The following CLEC5A variants were observed in gnomAD, a reference collection of about 807,000 sequenced individuals.
CLEC5A encodes the protein C-type lectin domain containing 5A, also known as C-type lectin domain family 5 member A.
Under a neutral mutation model 24.4 loss-of-function variants are expected in CLEC5A, and 15 were observed. That is an observed-to-expected ratio of 0.62 (90% CI 0.41 to 0.95). The LOEUF is 0.95. CLEC5A is among the 40% of genes least tolerant of loss of function. The pLI, the probability that CLEC5A is intolerant of heterozygous loss-of-function variation, is 0.00. For missense variants in CLEC5A, 211 were observed against 224.0 expected (o/e 0.94, Z 0.37); for synonymous variants, 71 against 72.6 (o/e 0.98, Z 0.11).
chr7:141,931,579 T>C (rs1802462354), intron 6 of CLEC5A, 141 bp downstream of exon 6: 2 of 579,222 alleles, frequency 3.5e-6, no homozygotes, highest in African/African-American at 1.9e-5. Context: ...TCTCAGGGAA[T>C]AGATGGGTTG....
intron 4 of CLEC5A, among the ~76,000 whole-genome samples, chr7:141,940,320 A>G (rs771461695): frequency 1.3e-5 from 2 of 152,098 alleles, no homozygotes; most frequent in Non-Finnish European, 2.9e-5. Context: ...ATTAAACAAT[A>G]TGCTCCTGGA....
rs1802368882 is a variant in CLEC5A at position 141,928,792 on chromosome 7, CA to C, written c.*1311del. 1 of 152,160 alleles carries C rather than the reference CA, an allele frequency of 6.6e-6. No individual in the cohort carries two copies. Among genetic ancestry groups the C allele is most frequent in the Non-Finnish European group, 1.5e-5 (1 of 68,026 alleles). 9.4% of individuals were successfully genotyped at this position (152,160 alleles called of 1,614,324 possible). On this transcript the variant is annotated 3_prime_UTR_variant, in exon 7 of 7. Coordinates refer to ENST00000546910, the MANE Select transcript of CLEC5A (RefSeq NM_013252.3). The stretch of plus-strand genomic sequence containing the variant: ...TACTGTGCTACATTGTTATTAGACA[CA>C]AAATGGTATGTGCTGTACTTTGGTG...
intron 5 of CLEC5A, among the ~76,000 whole-genome samples, chr7:141,934,648 CAG>C (rs751479944): frequency 1.7e-4 from 16 of 92,866 alleles, no homozygotes; most frequent in Non-Finnish European, 2.6e-4. Context: ...TTTTTTGAGA[CAG>C]AGCCTTGCTC....
intron 4 of CLEC5A, among the ~76,000 whole-genome samples, chr7:141,939,774 G>A (rs533088443): frequency 6.6e-6 from 1 of 152,160 alleles, no homozygotes; most frequent in African/African-American, 2.4e-5. Context: ...CCGAAAAGGA[G>A]CAACAGTAGC....
At chr7:141,935,680 G>T in intron 5 of CLEC5A, 134 bp downstream of exon 5, 1 of 752,030 alleles carries the variant, frequency 1.3e-6, no homozygotes, top group Non-Finnish European at 2.2e-6. Flanking sequence ...AGAACAAATA[G>T]CTTCAGTTTT....
At chr7:141,946,401 C>A (rs782787233) in intron 1 of CLEC5A, 89 bp from the exon 2 acceptor site, 78 of 1,185,838 alleles carry the variant, frequency 6.6e-5, no homozygotes, top group Non-Finnish European at 8.9e-5. Flanking sequence ...TCAGAGTACC[C>A]AAAGCAAGGC....
intron 4 of CLEC5A, among the ~76,000 whole-genome samples, chr7:141,941,992 G>A (rs1554441687): frequency 6.6e-6 from 1 of 151,922 alleles, no homozygotes; most frequent in East Asian, 1.9e-4. Flanking sequence ...TTGTTAAAAT[G>A]TCCACTCTAC....
At chr7:141,945,285 A>G (rs782183934) in intron 3 of CLEC5A, 56 bp downstream of exon 3, 102 of 1,251,550 alleles carry the variant, frequency 8.1e-5, no homozygotes, top group Non-Finnish European at 1.1e-4. Context: ...GTCTCTAGGA[A>G]TTCAGCATAG....
At chr7:141,933,197 G>C (rs1206354631) in intron 5 of CLEC5A, among the ~76,000 whole-genome samples, 1 of 152,088 alleles carries the variant, frequency 6.6e-6, no homozygotes, top group African/African-American at 2.4e-5. Flanking sequence ...TCTGGAAGAG[G>C]CAGAAAGGAG....
At position 141,930,039 on chromosome 7, in the gene CLEC5A, G is replaced by T; in HGVS notation, c.*65C>A. 7.9e-7 allele frequency: 1 copy of T among 1,270,190 alleles called. No individual in the cohort carries two copies. The highest frequency in any genetic ancestry group is 1.1e-6 in the Non-Finnish European group (1 of 885,462). 78.7% of individuals were successfully genotyped at this position (1,270,190 alleles called of 1,614,324 possible). The stretch of plus-strand genomic sequence containing the variant: ...CAGATAGGTAAGTAAAAGAATCATT[G>T]GCCAGACGACCTGTATGGATTCAAA... On this transcript the variant is annotated 3_prime_UTR_variant, in exon 7 of 7. Transcript: ENST00000546910.
At chr7:141,932,630 A>C (rs1346077197) in intron 5 of CLEC5A, among the ~76,000 whole-genome samples, 1 of 152,186 alleles carries the variant, frequency 6.6e-6, no homozygotes, top group Non-Finnish European at 1.5e-5. Flanking sequence ...CATTCACCAA[A>C]CATCTCTCGA....
rs536622488 is a variant in CLEC5A, at chr7:141,934,301, G to C, written c.345+1513C>G. Among the ~76,000 whole-genome samples the C allele has an allele frequency of 1.9e-4, 29 of 152,272 alleles. 1 individual carries two copies. In the South Asian group the frequency reaches 6.0e-3, roughly 32 times the overall value. On this transcript the variant is annotated intron_variant, in intron 5 of 6. Transcript: ENST00000546910. ...AATCCAGGTGAGAACTGAACTATTT[G>C]TTGTTGGCATAGAGAGAAAAGGACT...
intron 4 of CLEC5A, 113 bp downstream of exon 4, chr7:141,943,783 G>T: frequency 1.3e-6 from 1 of 742,286 alleles, no homozygotes; most frequent in Non-Finnish European, 2.4e-6. Context: ...AGGTCGTTAT[G>T]GTCCCTTTGA....
chr7:141,930,162 A>C lies in CLEC5A; in HGVS notation c.509T>G (p.Phe170Cys). 6.2e-7 allele frequency: 1 copy of C among 1,614,188 alleles called. No homozygotes were observed. Among genetic ancestry groups the C allele is most frequent in the South Asian group, 1.1e-5 (1 of 91,086 alleles). ...NCATIGLTKTFDAASCDISYR... is the reference protein window; with the variant it reads ...NCATIGLTKTCDAASCDISYR... ...GCTGATGTCACATGATGCAGCATCAAATGTCTTTGTTAGGCCAATGGTCGC... is the reference window on the plus strand; with the variant it reads ...GCTGATGTCACATGATGCAGCATCACATGTCTTTGTTAGGCCAATGGTCGC... The change falls in exon 7 of 7, where the codon TTT becomes TGT. Residue 170 changes from phenylalanine to cysteine, a missense_variant. Coordinates refer to ENST00000546910, the MANE Select transcript of CLEC5A (RefSeq NM_013252.3).
intron 3 of CLEC5A, among the ~76,000 whole-genome samples, chr7:141,944,460 T>C (rs1802893003): frequency 6.6e-6 from 1 of 152,166 alleles, no homozygotes; most frequent in Non-Finnish European, 1.5e-5. Flanking sequence ...GTATTAGCTC[T>C]AAGGATTGAA....
At chr7:141,935,742 G>C (rs201314618) in intron 5 of CLEC5A, 72 bp downstream of exon 5, 1 of 1,447,414 alleles carries the variant, frequency 6.9e-7, no homozygotes, top group African/African-American at 1.4e-5. Context: ...ACTCCCCCAA[G>C]TTTCTACCCC....
intron 4 of CLEC5A, among the ~76,000 whole-genome samples, chr7:141,941,985 T>TAAAAACC (rs1802806795): frequency 6.6e-6 from 1 of 152,130 alleles, no homozygotes; most frequent in African/African-American, 2.4e-5. Context: ...ATCAATATTG[T>TAAAAACC]TAAAATGTCC....
intron 2 of CLEC5A, 73 bp from the exon 3 acceptor site, chr7:141,945,473 A>C: frequency 4.9e-6 from 5 of 1,016,446 alleles, no homozygotes; most frequent in South Asian, 2.5e-5. Flanking sequence ...AAGTATCAGC[A>C]CAGGGGCTGC....
intron 4 of CLEC5A, among the ~76,000 whole-genome samples, chr7:141,937,975 G>T (rs1802680434): frequency 6.6e-6 from 1 of 152,246 alleles, no homozygotes; most frequent in Admixed American, 6.5e-5. Context: ...CTGGGCTTGG[G>T]ATGTCCCCCA....
Sources: gnomAD v4.1 joint callset for allele counts (sites outside exome capture counted in the v4.1 genomes callset) on GRCh38, gnomAD v4.1.1 for gene constraint, MANE v1.5 for transcripts, NCBI Gene and HGNC (gene_info 2026-07-23, HGNC 2026-07-21) for gene names.